CSMD1: variants seen among roughly 807,000 people sequenced by gnomAD.
CSMD1 encodes CUB and Sushi multiple domains 1.
A neutral mutation model predicts 417.5 loss-of-function variants in CSMD1; 213 were observed. The observed-to-expected ratio is 0.51, with a 90% CI of 0.46 to 0.57. CSMD1 has a LOEUF of 0.57. Ranked by LOEUF, CSMD1 falls within the 20% of genes least tolerant of loss-of-function variation. The probability of loss-of-function intolerance (pLI) is 0.00; values close to 1 mark genes in which losing one functional copy is unlikely to be tolerated. For missense variants in CSMD1, 6,923 were observed against 4,529.7 expected (o/e 1.53, Z -15.17); for synonymous variants, 2,862 against 1,736.8 (o/e 1.65, Z -16.11).
intron 5 of CSMD1, among the ~76,000 whole-genome samples, chr8:3,869,087 C>A (rs539745379): frequency 6.6e-6 from 1 of 152,318 alleles, no homozygotes; most frequent in South Asian, 2.1e-4. Context: ...CCTTAGGGAC[C>A]TGGTGTCTAG....
At chr8:4,491,661 A>G (rs918047502) in intron 2 of CSMD1, among the ~76,000 whole-genome samples, 1 of 152,204 alleles carries the variant, frequency 6.6e-6, no homozygotes, top group Non-Finnish European at 1.5e-5. Flanking sequence ...ATGTCCTTAG[A>G]ACATGAGACA....
chr8:4,055,245 G>T (rs1309640378), intron 3 of CSMD1, among the ~76,000 whole-genome samples: 1 of 152,082 alleles, frequency 6.6e-6, no homozygotes, highest in Non-Finnish European at 1.5e-5. Flanking sequence ...AGGATTACTT[G>T]CCTCAAATGA....
At chr8:3,906,565 G>A (rs930525732) in intron 5 of CSMD1, among the ~76,000 whole-genome samples, 3 of 150,932 alleles carry the variant, frequency 2.0e-5, no homozygotes, top group Non-Finnish European at 4.4e-5. Flanking sequence ...AATATAAGCT[G>A]TACCATGAGG....
chr8:3,316,571 G>A lies in CSMD1; in HGVS notation c.3632-8068C>T, dbSNP rs765171909. ...GAGCAGGTCTAGGGGCCTCCTGGAC[G>A]CCATCCACTCAGAGGGAGAACAGTC... On this transcript the variant is annotated intron_variant, in intron 23 of 69. Coordinates refer to ENST00000635120, the MANE Select transcript of CSMD1 (RefSeq NM_033225.6). Among the ~76,000 whole-genome samples the A allele has an allele frequency of 5.9e-5, 9 of 152,112 alleles. No homozygotes were observed. The East Asian group carries it at 9.6e-4, about 16-fold the overall frequency.
chr8:3,684,795 T>G (rs1799862706), intron 7 of CSMD1, among the ~76,000 whole-genome samples: 1 of 152,118 alleles, frequency 6.6e-6, no homozygotes, highest in Non-Finnish European at 1.5e-5. Flanking sequence ...TTAGTCACCC[T>G]CATTCTCCTT....
intron 25 of CSMD1, among the ~76,000 whole-genome samples, chr8:3,294,948 A>G (rs1285849638): frequency 6.6e-6 from 1 of 151,928 alleles, no homozygotes; most frequent in African/African-American, 2.4e-5. Flanking sequence ...AGCTGTTCCT[A>G]TTTGGCCATC....
In CSMD1 at chr8:3,151,403, C is replaced by A; in HGVS notation, c.6025G>T (p.Gly2009Cys). 1.2e-6 allele frequency: 2 copies of A among 1,605,174 alleles called. No homozygotes were observed. Among genetic ancestry groups the A allele is most frequent in the Non-Finnish European group, 1.7e-6 (2 of 1,172,476 alleles). Residue 2009 changes from glycine (G) to cysteine (C), a missense_variant, in exon 40 of 70, where the codon GGC becomes TGC. By Grantham distance (159) the Gly-to-Cys change is radical (BLOSUM62 -3). Coordinates refer to ENST00000635120, the MANE Select transcript of CSMD1 (RefSeq NM_033225.6). ...TGGTAACATTTTCACTTACCATAGC[C>A]GATGGGTAATGAGATCCTCCAGGTG... Reference protein sequence around the residue: ...DCTWRISLPIGYGAHIQFLNF... With the variant: ...DCTWRISLPICYGAHIQFLNF...
chr8:3,814,202 G>C (rs531429549), intron 5 of CSMD1, among the ~76,000 whole-genome samples: 1 of 152,182 alleles, frequency 6.6e-6, no homozygotes, highest in South Asian at 2.1e-4. Flanking sequence ...CTTTCAACAT[G>C]TTTCCCAGCT....
chr8:4,877,497 C>T (rs928802681), intron 1 of CSMD1, among the ~76,000 whole-genome samples: 3 of 151,986 alleles, frequency 2.0e-5, no homozygotes, highest in Non-Finnish European at 4.4e-5. Context: ...CTCCTAAAAT[C>T]TCTTCCCGAT....
At chr8:4,215,114 C>G (rs1800560873) in intron 3 of CSMD1, among the ~76,000 whole-genome samples, 1 of 152,146 alleles carries the variant, frequency 6.6e-6, no homozygotes, top group South Asian at 2.1e-4. Context: ...GTGAATAGGT[C>G]TCAGTTCTCA....
chr8:4,931,630 C>T (rs12334427), intron 1 of CSMD1, among the ~76,000 whole-genome samples: 47,429 of 152,030 alleles, frequency 0.31, 8,337 homozygotes, highest in Non-Finnish European at 0.41. Flanking sequence ...AACCATAAAA[C>T]ATCTACCTCC....
intron 5 of CSMD1, among the ~76,000 whole-genome samples, chr8:3,784,447 G>A (rs184338859): frequency 4.6e-5 from 7 of 152,174 alleles, no homozygotes; most frequent in African/African-American, 1.7e-4. Context: ...TTCTTAAAGA[G>A]ATATATAAGT....
At chr8:3,946,465 A>T (rs1260216575) in intron 5 of CSMD1, among the ~76,000 whole-genome samples, 1 of 152,146 alleles carries the variant, frequency 6.6e-6, no homozygotes, top group South Asian at 2.1e-4. Context: ...CGTATTATGT[A>T]AGTCCTCCCA....
intron 54 of CSMD1, among the ~76,000 whole-genome samples, chr8:2,997,674 A>G (rs1195161768): frequency 6.6e-6 from 1 of 152,254 alleles, no homozygotes; most frequent in East Asian, 1.9e-4. Context: ...CTTCGTAAAG[A>G]CAGTCATAAA....
At chr8:4,805,403 T>C (rs956088569) in intron 1 of CSMD1, among the ~76,000 whole-genome samples, 23 of 152,204 alleles carry the variant, frequency 1.5e-4, no homozygotes, top group African/African-American at 5.3e-4. Flanking sequence ...AAATTATTTC[T>C]TGGTCTTCAT....
intron 57 of CSMD1, among the ~76,000 whole-genome samples, chr8:2,972,297 TACTC>T (rs1327667912): frequency 6.6e-6 from 1 of 152,220 alleles, no homozygotes; most frequent in African/African-American, 2.4e-5. Context: ...TATGTGAGCT[TACTC>T]AAGTTGGTAA....
chr8:4,398,568 T>C lies in CSMD1; in HGVS notation c.415+21385A>G, dbSNP rs7014378. Among the ~76,000 whole-genome samples the C allele has an allele frequency of 4.2e-3, 644 of 151,962 alleles. 5 individuals carry two copies. Among genetic ancestry groups the C allele is most frequent in the African/African-American group, 0.015 (615 of 41,474 alleles). ...GCCACCATGCCCGGCCAAATTTTTTTGTATTTTTAGTAGAGACGGGGTTTC... is the reference window on the plus strand; with the variant it reads ...GCCACCATGCCCGGCCAAATTTTTTCGTATTTTTAGTAGAGACGGGGTTTC... On this transcript the variant is annotated intron_variant, in intron 3 of 69. Transcript: ENST00000635120.
intron 3 of CSMD1, among the ~76,000 whole-genome samples, chr8:4,198,115 G>C (rs1380930708): frequency 6.6e-6 from 1 of 152,202 alleles, no homozygotes; most frequent in Non-Finnish European, 1.5e-5. Flanking sequence ...TAAGTTTTAC[G>C]GGAGAAGGTT....
At chr8:3,730,264 C>T (rs543692629) in intron 6 of CSMD1, among the ~76,000 whole-genome samples, 3 of 152,138 alleles carry the variant, frequency 2.0e-5, no homozygotes, top group East Asian at 3.9e-4. Context: ...ACCTTGAGCA[C>T]ATGGAGCCCC....
Sources: gnomAD v4.1 joint callset for allele counts (sites outside exome capture counted in the v4.1 genomes callset) on GRCh38, gnomAD v4.1.1 for gene constraint, MANE v1.5 for transcripts, NCBI Gene and HGNC (gene_info 2026-07-23, HGNC 2026-07-21) for gene names.